Variants in KIF1B observed in about 807,000 individuals in gnomAD.
The protein encoded by KIF1B is kinesin family member 1B, also known as kinesin-like protein KIF1B.
A neutral mutation model predicts 241.9 loss-of-function variants in KIF1B; 76 were observed. That is an observed-to-expected ratio of 0.31 (90% CI 0.26 to 0.38). The LOEUF (loss-of-function observed/expected upper bound fraction) is 0.38. Among genes scored for constraint, KIF1B ranks in the 10% least tolerant of loss-of-function variants. The pLI is 1.00. For missense variants in KIF1B, 1,622 were observed against 2,271.4 expected, an observed-to-expected ratio of 0.71 and a Z score of 5.81; for synonymous variants, 750 against 796.7, an observed-to-expected ratio of 0.94 and a Z score of 0.99.
At chr1:10,257,182 C>A (rs1307274375) in intron 3 of KIF1B, among the ~76,000 whole-genome samples, 13 of 151,396 alleles carry the variant, frequency 8.6e-5, no homozygotes, top group Non-Finnish European at 1.5e-5. Flanking sequence ...CCTGCCTCGA[C>A]CTCTCAAAGT....
At chr1:10,218,040 G>GA (rs1430558647) in intron 1 of KIF1B, among the ~76,000 whole-genome samples, 1 of 152,088 alleles carries the variant, frequency 6.6e-6, no homozygotes, top group Admixed American at 6.6e-5. Flanking sequence ...CTGGGGGGAG[G>GA]AAAATCCCTC....
chr1:10,342,264 A>C, intron 33 of KIF1B, 96 bp downstream of exon 33: 11 of 840,262 alleles, frequency 1.3e-5, no homozygotes, highest in Middle Eastern at 2.2e-4. Flanking sequence ...GGATTAAGAT[A>C]ACTAAATAAG....
intron 38 of KIF1B, among the ~76,000 whole-genome samples, chr1:10,359,333 A>G (rs1372821097): frequency 2.0e-5 from 3 of 152,172 alleles, no homozygotes; most frequent in East Asian, 1.9e-4. Context: ...GCTGTGTTCT[A>G]TCTGCGGAGA....
intron 32 of KIF1B, 58 bp from the exon 33 acceptor site, chr1:10,341,992 G>T: frequency 5.4e-6 from 6 of 1,105,120 alleles, no homozygotes; most frequent in African/African-American, 1.6e-5. Context: ...CTAAAGTTCT[G>T]ATTGAAGCAA....
chr1:10,225,917 G>C (rs923980667), intron 1 of KIF1B, among the ~76,000 whole-genome samples: 2 of 152,150 alleles, frequency 1.3e-5, no homozygotes, highest in African/African-American at 4.8e-5. Context: ...ACTTCAGGAA[G>C]GTGAATCTTG....
intron 5 of KIF1B, among the ~76,000 whole-genome samples, chr1:10,266,985 T>G (rs2102204220): frequency 6.6e-6 from 1 of 152,164 alleles, no homozygotes; most frequent in East Asian, 1.9e-4. Context: ...TTTCTGTATG[T>G]GATTTCTTTT....
At chr1:10,285,293 G>C (rs1268809411) in intron 15 of KIF1B, among the ~76,000 whole-genome samples, 1 of 152,114 alleles carries the variant, frequency 6.6e-6, no homozygotes, top group Non-Finnish European at 1.5e-5. Context: ...CCTTTCCTTT[G>C]ACCTTCCTCT....
intron 38 of KIF1B, among the ~76,000 whole-genome samples, chr1:10,356,667 C>G (rs1002109853): frequency 1.3e-5 from 2 of 151,888 alleles, no homozygotes; most frequent in East Asian, 3.9e-4. Flanking sequence ...TTTGGGAGAC[C>G]GAGGCGGGCG....
At chr1:10,234,908 C>T (rs1223042742) in intron 2 of KIF1B, among the ~76,000 whole-genome samples, 2 of 149,260 alleles carry the variant, frequency 1.3e-5, no homozygotes, top group East Asian at 2.0e-4. Flanking sequence ...TTTTTTGAGA[C>T]GGAGTCTTGC....
At chr1:10,215,138 T>TTA (rs1162229178) in intron 1 of KIF1B, among the ~76,000 whole-genome samples, 2,001 of 59,488 alleles carry the variant, frequency 0.034, 49 homozygotes, top group Middle Eastern at 0.043. Context: ...TTTATATATT[T>TTA]TATATATATA....
Position 10,323,156 on chromosome 1 carries a change from C to G in KIF1B, c.2359-728C>G, listed in dbSNP as rs188321338. On this transcript the variant is annotated intron_variant, in intron 24 of 48. Transcript: ENST00000676179. ...GGATTACAGGTGTGAACTTCCGTGC[C>G]CAGCCAAATAAATGCTTTTAAGAGC... is the stretch of plus-strand genomic sequence containing the variant. Among the ~76,000 whole-genome samples the G allele has an allele frequency of 3.1e-3, 477 of 152,148 alleles. 1 individual carries two copies. Among genetic ancestry groups the G allele is most frequent in the Non-Finnish European group, 5.1e-3 (347 of 68,008 alleles).
At position 10,377,635 on chromosome 1, in the gene KIF1B, ATGAT is replaced by A. The variant is rs1174977892; in HGVS notation, c.*1050_*1053del. 1 of 204,492 alleles carries A rather than the reference ATGAT, an allele frequency of 4.9e-6. No individual in the cohort carries two copies. Among genetic ancestry groups the A allele is most frequent in the African/African-American group, 2.3e-5 (1 of 43,656 alleles). The allele number at this position is 204,492 out of a possible 1,614,324, so 12.7% of individuals were successfully genotyped here. ...GGTGATAAACTTGATGGTCATTGTT[ATGAT>A]TAAGATAATGCCGGGCAGGCCGGGC... is the stretch of plus-strand genomic sequence containing the variant. On this transcript the variant is annotated 3_prime_UTR_variant, in exon 49 of 49. Transcript: ENST00000676179.
In KIF1B at chr1:10,318,588, G is replaced by A. The variant is rs933692546; in HGVS notation, c.2116-1455G>A. Among the ~76,000 whole-genome samples the A allele has an allele frequency of 2.7e-5, 4 of 147,228 alleles. 1 individual carries two copies. Among genetic ancestry groups the A allele is most frequent in the South Asian group, 2.1e-4 (1 of 4,814 alleles). ...ATAAAAATTAGTCGGGCATGGTGGC[G>A]GGCACCTGTAGTCCCAGCTACTGAG... On this transcript the variant is annotated intron_variant, in intron 22 of 48. Transcript: ENST00000676179.
intron 38 of KIF1B, among the ~76,000 whole-genome samples, chr1:10,359,678 T>C (rs1440882793): frequency 6.6e-6 from 1 of 152,194 alleles, no homozygotes; most frequent in Non-Finnish European, 1.5e-5. Flanking sequence ...GGCTCTAGTG[T>C]TAACAATTTA....
rs148258452 is a variant in KIF1B at position 10,288,543 on chromosome 1, G to T, written c.1435-2539G>T. Among the ~76,000 whole-genome samples the T allele has an allele frequency of 7.9e-3, 1,204 of 152,174 alleles. 10 individuals carry two copies. Among genetic ancestry groups the T allele is most frequent in the Non-Finnish European group, 0.012 (797 of 68,002 alleles). ...CCATTTCAGGTGGTTTTTGTCACTT[G>T]CCACCCCCAACTGCAGACTTGTTCT... is the stretch of plus-strand genomic sequence containing the variant. On this transcript the variant is annotated intron_variant, in intron 15 of 48. Coordinates refer to ENST00000676179, the MANE Select transcript of KIF1B (RefSeq NM_001365951.3).
chr1:10,348,305 A>G (rs1232698756), intron 36 of KIF1B, among the ~76,000 whole-genome samples: 1 of 152,186 alleles, frequency 6.6e-6, no homozygotes, highest in Non-Finnish European at 1.5e-5. Context: ...GGCTAGGGAT[A>G]CCATACATTT....
At chr1:10,315,171 C>CTTTTT (rs765236286) in intron 22 of KIF1B, among the ~76,000 whole-genome samples, 4 of 80,042 alleles carry the variant, frequency 5.0e-5, no homozygotes, top group African/African-American at 2.1e-4. Flanking sequence ...CAAGAATATT[C>CTTTTT]TTTTTTTTTT....
chr1:10,295,830 A>C, intron 19 of KIF1B, 64 bp downstream of exon 19: 1 of 1,355,052 alleles, frequency 7.4e-7, no homozygotes, highest in Non-Finnish European at 1.1e-6. Flanking sequence ...GAAATCCTTA[A>C]GACTTTGTAT....
At chr1:10,264,588 T>C (rs1293133951) in intron 5 of KIF1B, among the ~76,000 whole-genome samples, 1 of 152,240 alleles carries the variant, frequency 6.6e-6, no homozygotes, top group Non-Finnish European at 1.5e-5. Flanking sequence ...CTTTCTAGGA[T>C]GACTTGCTGT....
Sources: gnomAD v4.1 joint callset for allele counts (sites outside exome capture counted in the v4.1 genomes callset) on GRCh38, gnomAD v4.1.1 for gene constraint, MANE v1.5 for transcripts, NCBI Gene and HGNC (gene_info 2026-07-23, HGNC 2026-07-21) for gene names.